Variants in ERG observed in about 807,000 individuals in gnomAD.
ERG encodes transcriptional regulator ERG.
A neutral mutation model predicts 55.3 loss-of-function variants in ERG; 9 were observed. That is an observed-to-expected ratio of 0.16 (90% CI 0.10 to 0.28). The LOEUF is 0.28. Ranked by LOEUF, ERG falls within the 10% of genes least tolerant of loss-of-function variation. The pLI is 1.00. For missense variants in ERG, 434 were observed against 631.6 expected, an observed-to-expected ratio of 0.69 and a Z score of 3.35; for synonymous variants, 223 against 237.3, an observed-to-expected ratio of 0.94 and a Z score of 0.55.
At chr21:38,514,102 T>C (rs1429311625) in intron 2 of ERG, among the ~76,000 whole-genome samples, 1 of 151,634 alleles carries the variant, frequency 6.6e-6, no homozygotes, top group Non-Finnish European at 1.5e-5. Flanking sequence ...ACTCCTATAA[T>C]TATTAAAGAC....
At chr21:38,465,071 A>C (rs1459122639) in intron 1 of ERG, among the ~76,000 whole-genome samples, 3 of 152,230 alleles carry the variant, frequency 2.0e-5, no homozygotes, top group Admixed American at 6.5e-5. Flanking sequence ...CCCCAGTGCA[A>C]CATGGATTCT....
chr21:38,548,974 A>G (rs553504397), intron 2 of ERG, among the ~76,000 whole-genome samples: 4 of 151,486 alleles, frequency 2.6e-5, no homozygotes, highest in African/African-American at 7.3e-5. Flanking sequence ...TTAGCCAGGC[A>G]TGGTGGTGGG....
chr21:38,617,608 C>A (rs1483268790), intron 1 of ERG, among the ~76,000 whole-genome samples: 2 of 152,148 alleles, frequency 1.3e-5, no homozygotes, highest in Non-Finnish European at 2.9e-5. Flanking sequence ...AACCTTTCTT[C>A]CTCACCCCTT....
At chr21:38,453,648 C>G (rs181323055) in intron 1 of ERG, among the ~76,000 whole-genome samples, 2 of 151,954 alleles carry the variant, frequency 1.3e-5, no homozygotes, top group East Asian at 3.9e-4. Context: ...TTTGGCAGGC[C>G]GAGGCAGGTG....
chr21:38,649,793 T>C (rs1407760326), intron 1 of ERG, among the ~76,000 whole-genome samples: 1 of 152,164 alleles, frequency 6.6e-6, no homozygotes, highest in African/African-American at 2.4e-5. Context: ...TCCAACTCAT[T>C]GCCTACGTTT....
intron 1 of ERG, among the ~76,000 whole-genome samples, chr21:38,493,595 G>C (rs1601132299): frequency 1.3e-5 from 2 of 152,154 alleles, no homozygotes; most frequent in African/African-American, 4.8e-5. Flanking sequence ...AGGAGAGTGG[G>C]GTATTCCAGG....
chr21:38,615,168 T>A (rs2060251161), intron 1 of ERG, among the ~76,000 whole-genome samples: 1 of 152,224 alleles, frequency 6.6e-6, no homozygotes, highest in Non-Finnish European at 1.5e-5. Context: ...AAACCATGGA[T>A]GTCCAGTTAA....
At chr21:38,392,952 C>T (rs1405307676) in intron 6 of ERG, among the ~76,000 whole-genome samples, 2 of 152,178 alleles carry the variant, frequency 1.3e-5, no homozygotes, top group Non-Finnish European at 2.9e-5. Flanking sequence ...TTGCCAGCTG[C>T]CTCTCTTAGC....
intron 2 of ERG, among the ~76,000 whole-genome samples, chr21:38,515,959 A>T (rs1479109790): frequency 6.6e-6 from 1 of 152,100 alleles, no homozygotes; most frequent in Non-Finnish European, 1.5e-5. Context: ...CTCTCAACAA[A>T]CTAGGTACAG....
intron 1 of ERG, among the ~76,000 whole-genome samples, chr21:38,475,693 G>A (rs116927463): frequency 4.5e-4 from 68 of 152,254 alleles, no homozygotes; most frequent in Non-Finnish European, 9.0e-4. Flanking sequence ...GCTCTATCAT[G>A]TTCCCTACCT....
At chr21:38,573,507 C>A (rs139835232) in intron 2 of ERG, among the ~76,000 whole-genome samples, 2,136 of 152,322 alleles carry the variant, frequency 0.014, 55 homozygotes, top group African/African-American at 0.047. Flanking sequence ...CTTTGTTATT[C>A]TTTACTCCGC....
intron 1 of ERG, among the ~76,000 whole-genome samples, chr21:38,628,647 C>G (rs1418827481): frequency 6.6e-6 from 1 of 152,152 alleles, no homozygotes; most frequent in Non-Finnish European, 1.5e-5. Flanking sequence ...CCTGGTGGCT[C>G]CCTCCCCACA....
intron 2 of ERG, among the ~76,000 whole-genome samples, chr21:38,424,180 A>AGC (rs1323552331): frequency 0.16 from 5,829 of 35,342 alleles, 217 homozygotes; most frequent in East Asian, 0.22. Context: ...AAGAGACCAG[A>AGC]GCTCGAGCTC....
chr21:38,646,099 C>T (rs140299543), intron 1 of ERG, among the ~76,000 whole-genome samples: 1 of 151,872 alleles, frequency 6.6e-6, no homozygotes, highest in East Asian at 1.9e-4. Flanking sequence ...GCCAACAGGA[C>T]GAAACCCTGT....
intron 1 of ERG, among the ~76,000 whole-genome samples, chr21:38,447,094 A>G (rs1316052077): frequency 6.6e-6 from 1 of 151,884 alleles, no homozygotes; most frequent in Non-Finnish European, 1.5e-5. Flanking sequence ...TTAGGAAACA[A>G]TCACCCCCAA....
At chr21:38,378,406 T>C (rs1987298842), downstream of ERG, among the ~76,000 whole-genome samples, 1 of 152,208 alleles carries the variant, frequency 6.6e-6, no homozygotes, top group South Asian at 2.1e-4. Flanking sequence ...TAAAAAGCTT[T>C]CTCTTGAATT....
intron 1 of ERG, among the ~76,000 whole-genome samples, chr21:38,611,846 A>T (rs987990299): frequency 6.6e-6 from 1 of 152,144 alleles, no homozygotes; most frequent in Non-Finnish European, 1.5e-5. Flanking sequence ...TGTTAATGGA[A>T]TTCTAAAAGT....
intron 1 of ERG, among the ~76,000 whole-genome samples, chr21:38,464,907 T>C (rs1373139143): frequency 2.0e-5 from 3 of 152,226 alleles, no homozygotes; most frequent in African/African-American, 7.2e-5. Context: ...TCCTTTTTTA[T>C]GGCTGCATGG....
intron 1 of ERG, among the ~76,000 whole-genome samples, chr21:38,494,124 T>C (rs1353562136): frequency 1.3e-5 from 2 of 152,078 alleles, no homozygotes; most frequent in African/African-American, 4.8e-5. Flanking sequence ...AGGAAGCAAA[T>C]GCAAGTGTGT....
Sources: allele counts gnomAD v4.1 joint callset (sites outside exome capture counted in the v4.1 genomes callset), GRCh38; gene constraint gnomAD v4.1.1; transcripts MANE v1.5; gene names NCBI Gene and HGNC (gene_info 2026-07-23, HGNC 2026-07-21).